RALYL: variants seen among roughly 807,000 people sequenced by gnomAD.
RALYL encodes the protein RALY RNA binding protein like.
Under a neutral mutation model 35.1 loss-of-function variants are expected in RALYL, and 29 were observed. That is an observed-to-expected ratio of 0.83 (90% CI 0.61 to 1.13). The LOEUF is 1.13. Ranked by LOEUF, RALYL falls within the 50% of genes most tolerant of loss-of-function variation. The pLI is 0.00. For synonymous variants in RALYL, 120 were observed against 127.6 expected (o/e 0.94, Z 0.40); for missense variants, 359 against 360.4 (o/e 1.00, Z 0.03).
intron 6 of RALYL, among the ~76,000 whole-genome samples, chr8:84,869,578 G>A (rs1236426726): frequency 2.0e-5 from 3 of 152,090 alleles, no homozygotes; most frequent in Admixed American, 6.6e-5. Flanking sequence ...TGCGGTGTGG[G>A]CTATCTTGTG....
rs1422922572 is a variant in RALYL at position 84,184,001 on chromosome 8, G to C, written c.-447G>C. On this transcript the variant is annotated 5_prime_UTR_variant, in exon 1 of 9. Coordinates refer to ENST00000521268, the MANE Select transcript of RALYL (RefSeq NM_173848.7). ...TTACGGCAGTGTTTACAAGTTTGTG[G>C]TCTTGCAATACTGGTGCAAACCACT... 2.0e-5 allele frequency: 3 copies of C among 152,008 alleles called. No homozygotes were observed. The highest frequency in any genetic ancestry group is 2.9e-5 in the Non-Finnish European group (2 of 67,998). The allele number at this position is 152,008 out of a possible 1,614,324, so 9.4% of individuals were successfully genotyped here.
intron 1 of RALYL, among the ~76,000 whole-genome samples, chr8:84,450,546 G>C (rs758711811): frequency 6.6e-6 from 1 of 150,876 alleles, no homozygotes. Context: ...TTATGGCTGC[G>C]GCACAAACTA....
intron 1 of RALYL, among the ~76,000 whole-genome samples, chr8:84,401,494 C>T (rs1341963009): frequency 2.0e-5 from 3 of 151,532 alleles, no homozygotes; most frequent in South Asian, 2.1e-4. Context: ...AAAAATTAGC[C>T]GGGCGCGGTG....
chr8:84,822,600 C>T (rs371374501), intron 4 of RALYL, among the ~76,000 whole-genome samples: 54 of 152,082 alleles, frequency 3.6e-4, no homozygotes, highest in South Asian at 8.3e-4. Context: ...ATTGAGCTTT[C>T]CTTCCATATT....
chr8:84,454,952 A>G (rs1275211390), intron 1 of RALYL, among the ~76,000 whole-genome samples: 4 of 152,226 alleles, frequency 2.6e-5, no homozygotes, highest in South Asian at 4.1e-4. Context: ...CACACTGCAG[A>G]AAGACTATAT....
chr8:84,831,806 T>G (rs556456834), intron 4 of RALYL, among the ~76,000 whole-genome samples: 23 of 152,262 alleles, frequency 1.5e-4, no homozygotes, highest in African/African-American at 5.5e-4. Context: ...CAATAAGTCA[T>G]GTTCACACAA....
At chr8:84,259,575 T>A (rs1050859808) in intron 1 of RALYL, among the ~76,000 whole-genome samples, 1 of 152,196 alleles carries the variant, frequency 6.6e-6, no homozygotes, top group African/African-American at 2.4e-5. Flanking sequence ...TTTTTTTAGA[T>A]GAACTATCTG....
intron 1 of RALYL, among the ~76,000 whole-genome samples, chr8:84,446,133 T>C (rs939720951): frequency 1.6e-4 from 24 of 152,060 alleles, no homozygotes; most frequent in Admixed American, 1.6e-3. Flanking sequence ...GTGTTCCCTG[T>C]GTTTGATATG....
At chr8:84,728,601 G>GT (rs1209930804) in intron 2 of RALYL, among the ~76,000 whole-genome samples, 1 of 152,106 alleles carries the variant, frequency 6.6e-6, no homozygotes, top group African/African-American at 2.4e-5. Flanking sequence ...GGTTTTTATG[G>GT]TTTTAGGTGT....
chr8:84,453,720 C>G (rs953535694), intron 1 of RALYL, among the ~76,000 whole-genome samples: 5 of 151,972 alleles, frequency 3.3e-5, no homozygotes, highest in African/African-American at 1.2e-4. Context: ...TTGAACATCT[C>G]TTATTCAGAA....
At chr8:84,405,797 A>C (rs2043412880) in intron 1 of RALYL, among the ~76,000 whole-genome samples, 1 of 150,178 alleles carries the variant, frequency 6.7e-6, no homozygotes, top group Admixed American at 6.6e-5. Flanking sequence ...ATTTTTAATC[A>C]GTTTAATAAT....
intron 2 of RALYL, among the ~76,000 whole-genome samples, chr8:84,728,582 T>G (rs1263344783): frequency 6.6e-6 from 1 of 152,138 alleles, no homozygotes; most frequent in African/African-American, 2.4e-5. Flanking sequence ...TGCCTAGGTT[T>G]TCTTCTAGGG....
At chr8:84,719,834 G>T (rs1291259910) in intron 2 of RALYL, among the ~76,000 whole-genome samples, 1 of 151,916 alleles carries the variant, frequency 6.6e-6, no homozygotes, top group African/African-American at 2.4e-5. Flanking sequence ...ATGCAATATT[G>T]TTAACTATAG....
At position 84,873,467 on chromosome 8, in the gene RALYL, C is replaced by G. The variant is rs191125927; in HGVS notation, c.685+70C>G. On this transcript the variant is annotated intron_variant, in intron 7 of 8. Transcript: ENST00000521268. ...AACGTTGTCAATCACAGAAGCAGTA[C>G]AGGGCCAGGAAGACACTGGCTGAGT... The G allele has an allele frequency of 3.7e-4, 340 of 916,518 alleles. No individual in the cohort carries two copies. The Admixed American group carries it at 7.1e-3, about 19-fold the overall frequency. 56.8% of individuals were successfully genotyped at this position (916,518 alleles called of 1,614,324 possible).
intron 1 of RALYL, among the ~76,000 whole-genome samples, chr8:84,439,577 C>T (rs1330404314): frequency 6.6e-6 from 1 of 152,044 alleles, no homozygotes; most frequent in African/African-American, 2.4e-5. Flanking sequence ...CATGCATCAT[C>T]TGTCATTTTG....
At chr8:84,806,021 C>T (rs1298029852) in intron 4 of RALYL, among the ~76,000 whole-genome samples, 2 of 152,008 alleles carry the variant, frequency 1.3e-5, no homozygotes, top group Admixed American at 6.6e-5. Context: ...TTTAAGTGAC[C>T]AGATCAATTT....
chr8:84,739,410 T>C (rs538301929), intron 2 of RALYL, among the ~76,000 whole-genome samples: 1 of 151,558 alleles, frequency 6.6e-6, no homozygotes, highest in Admixed American at 6.6e-5. Context: ...TAAGATAATA[T>C]AAATAAATGA....
At chr8:84,884,520 T>TATAC (rs1209449604) in intron 7 of RALYL, among the ~76,000 whole-genome samples, 2 of 151,276 alleles carry the variant, frequency 1.3e-5, no homozygotes, top group Non-Finnish European at 3.0e-5. Flanking sequence ...CACACACATA[T>TATAC]ACACACACAT....
chr8:84,497,814 T>C (rs2056225023), intron 1 of RALYL, among the ~76,000 whole-genome samples: 1 of 151,826 alleles, frequency 6.6e-6, no homozygotes, highest in African/African-American at 2.4e-5. Flanking sequence ...GCTAATTTTT[T>C]GTGTTTTTAG....
Sources: allele counts gnomAD v4.1 joint callset (sites outside exome capture counted in the v4.1 genomes callset), GRCh38; gene constraint gnomAD v4.1.1; transcripts MANE v1.5; gene names NCBI Gene and HGNC (gene_info 2026-07-23, HGNC 2026-07-21).